The following ARFGEF2 variants were observed in gnomAD, a reference collection of about 807,000 sequenced individuals.
The protein encoded by ARFGEF2 is brefeldin A-inhibited guanine nucleotide-exchange protein 2.
In ARFGEF2, 74 loss-of-function variants were observed where a neutral mutation model predicts 219.9. The observed-to-expected ratio is 0.34, with a 90% CI of 0.28 to 0.41. The LOEUF (loss-of-function observed/expected upper bound fraction) is 0.41. Ranked by LOEUF, ARFGEF2 falls within the 10% of genes least tolerant of loss-of-function variation. The probability of loss-of-function intolerance (pLI) is 1.00; values close to 1 mark genes in which losing one functional copy is unlikely to be tolerated. For synonymous variants in ARFGEF2, 733 were observed against 799.2 expected (o/e 0.92, Z 1.40); for missense variants, 1,743 against 2,218.3 (o/e 0.79, Z 4.30).
intron 9 of ARFGEF2, among the ~76,000 whole-genome samples, 165 bp downstream of exon 9, chr20:48,969,442 G>T (rs552606211): frequency 2.0e-5 from 3 of 152,348 alleles, no homozygotes; most frequent in Admixed American, 2.0e-4. Flanking sequence ...AGTCTCTAGA[G>T]TCCTTTCATA....
intron 1 of ARFGEF2, among the ~76,000 whole-genome samples, chr20:48,931,247 A>G (rs1242099723): frequency 6.6e-6 from 1 of 152,162 alleles, no homozygotes; most frequent in Non-Finnish European, 1.5e-5. Flanking sequence ...AAGGTAGAAG[A>G]GACTTGAACT....
At chr20:48,987,257 C>G (rs888099248) in intron 16 of ARFGEF2, among the ~76,000 whole-genome samples, 1 of 152,176 alleles carries the variant, frequency 6.6e-6, no homozygotes, top group African/African-American at 2.4e-5. Context: ...ATATGTGACC[C>G]AGTTTCATCT....
At chr20:48,981,590 C>T (rs2091296119) in intron 14 of ARFGEF2, among the ~76,000 whole-genome samples, 1 of 152,182 alleles carries the variant, frequency 6.6e-6, no homozygotes, top group African/African-American at 2.4e-5. Context: ...CAACTTGGTT[C>T]CATTCTCCCT....
chr20:48,969,388 C>T, intron 9 of ARFGEF2, 111 bp downstream of exon 9: 1 of 1,594,610 alleles, frequency 6.3e-7, no homozygotes, highest in Non-Finnish European at 8.6e-7. Flanking sequence ...GTCTCTTTGT[C>T]AGTGTAAGTG....
chr20:48,938,204 C>T (rs978709989), intron 1 of ARFGEF2, among the ~76,000 whole-genome samples: 2 of 152,138 alleles, frequency 1.3e-5, no homozygotes, highest in Non-Finnish European at 2.9e-5. Context: ...CTCCTTAGTT[C>T]TTTGTTCTTT....
At chr20:48,986,640 C>G (rs2091328018) in intron 16 of ARFGEF2, among the ~76,000 whole-genome samples, 1 of 152,078 alleles carries the variant, frequency 6.6e-6, no homozygotes, top group African/African-American at 2.4e-5. Context: ...GTTCTCTCCA[C>G]TGAACATTAA....
chr20:48,974,583 C>T (rs2091248936), intron 12 of ARFGEF2, among the ~76,000 whole-genome samples, 183 bp from the exon 13 acceptor site: 1 of 151,948 alleles, frequency 6.6e-6, no homozygotes, highest in African/African-American at 2.4e-5. Flanking sequence ...TAGAGATGTC[C>T]AGGGCTTTTG....
Position 49,032,055 on chromosome 20 carries a change from C to T in ARFGEF2, c.5070C>T (p.Cys1690=). 1 of 1,612,092 alleles carries T rather than the reference C, an allele frequency of 6.2e-7. No homozygotes were observed. Residue 1690 remains cysteine, a synonymous_variant, in exon 38 of 39, where the codon TGC becomes TGT. Coordinates refer to ENST00000371917, the MANE Select transcript of ARFGEF2 (RefSeq NM_006420.3). The part of the protein sequence containing the change: ...EEIQQRLLTV[C]SEALAYFITV... ...CCCTCTCTAATTCTTCTAGTGTTTG[C>T]AGTGAAGCTCTTGCCTATTTCATCA...
At chr20:48,937,106 C>T (rs1237148624) in intron 1 of ARFGEF2, among the ~76,000 whole-genome samples, 2 of 152,164 alleles carry the variant, frequency 1.3e-5, no homozygotes, top group Non-Finnish European at 2.9e-5. Context: ...ACAAAAGGTG[C>T]TGGTGTGCTT....
chr20:49,018,945 A>G lies in ARFGEF2; in HGVS notation c.4571A>G (p.Gln1524Arg). 1.2e-6 allele frequency: 2 copies of G among 1,614,116 alleles called. No individual in the cohort carries two copies. Among genetic ancestry groups the G allele is most frequent in the Non-Finnish European group, 1.7e-6 (2 of 1,179,956 alleles). The part of the protein sequence containing the change: ...SIDKNPSERG[Q>R]SQLSNPTDDS... ...GATAAAAATCCCTCTGAGAGGGGAC[A>G]GAGCCAGCTCTCTAACCCAACAGAT... The change falls in exon 34 of 39, where the codon CAG becomes CGG. Residue 1524 changes from glutamine (Q) to arginine (R), a missense_variant. Physicochemically the swap from Gln to Arg is conservative, Grantham distance 43. Coordinates refer to ENST00000371917, the MANE Select transcript of ARFGEF2 (RefSeq NM_006420.3).
intron 1 of ARFGEF2, among the ~76,000 whole-genome samples, chr20:48,928,718 TCTC>T (rs1439428940): frequency 6.6e-6 from 1 of 151,260 alleles, no homozygotes; most frequent in African/African-American, 2.4e-5. Flanking sequence ...ATGGTTTCGA[TCTC>T]CTGACCTCGT....
rs555695156 is a variant in ARFGEF2 at position 48,937,735 on chromosome 20, G to T, written c.122-3464G>T. Among the ~76,000 whole-genome samples the T allele has an allele frequency of 6.6e-5, 10 of 152,338 alleles. No individual in the cohort carries two copies. In the South Asian group the frequency reaches 1.9e-3, roughly 28 times the overall value. On this transcript the variant is annotated intron_variant, in intron 1 of 38. Transcript: ENST00000371917. ...GCAACTCTTTCCTGGTCACAGGAGA[G>T]GGCTGCTCTCTTCGGTCCCTGTGCC...
chr20:49,028,420 GA>G (rs2091615692), intron 36 of ARFGEF2, 109 bp from the exon 37 acceptor site: 1 of 1,272,414 alleles, frequency 7.9e-7, no homozygotes, highest in Non-Finnish European at 1.1e-6. Flanking sequence ...ACTATCTCAA[GA>G]AAAAAACAGA....
At chr20:49,003,630 A>G (rs1379833617) in intron 25 of ARFGEF2, among the ~76,000 whole-genome samples, 1 of 152,074 alleles carries the variant, frequency 6.6e-6, no homozygotes, top group East Asian at 1.9e-4. Context: ...ATAAAATAAA[A>G]TAAAACATCA....
intron 25 of ARFGEF2, among the ~76,000 whole-genome samples, chr20:49,000,690 C>T (rs552177039): frequency 6.6e-5 from 10 of 152,332 alleles, no homozygotes; most frequent in Admixed American, 5.2e-4. Context: ...ACAAACGCTG[C>T]TCATTTATTC....
intron 1 of ARFGEF2, among the ~76,000 whole-genome samples, chr20:48,925,734 G>A (rs2090872842): frequency 6.6e-6 from 1 of 152,124 alleles, no homozygotes; most frequent in African/African-American, 2.4e-5. Flanking sequence ...CTACTTGGGA[G>A]GCTGAGGTGG....
intron 14 of ARFGEF2, 127 bp from the exon 15 acceptor site, chr20:48,984,602 T>C (rs528645137): frequency 8.1e-7 from 1 of 1,227,682 alleles, no homozygotes; most frequent in South Asian, 1.2e-5. Flanking sequence ...AGGACAGACA[T>C]GACCTTGCTA....
intron 2 of ARFGEF2, 39 bp downstream of exon 2, chr20:48,941,268 G>A (rs1337249995): frequency 7.5e-6 from 12 of 1,605,812 alleles, no homozygotes; most frequent in Non-Finnish European, 1.0e-5. Flanking sequence ...GATACGGCAT[G>A]AAGGGAGTAG....
At chr20:48,987,943 A>G (rs1263338074) in intron 16 of ARFGEF2, among the ~76,000 whole-genome samples, 1 of 152,092 alleles carries the variant, frequency 6.6e-6, no homozygotes, top group Non-Finnish European at 1.5e-5. Flanking sequence ...ACCCGCTGCC[A>G]CGCCCAGCTA....
Sources: gnomAD v4.1 joint callset for allele counts (sites outside exome capture counted in the v4.1 genomes callset) on GRCh38, gnomAD v4.1.1 for gene constraint, MANE v1.5 for transcripts, NCBI Gene and HGNC (gene_info 2026-07-23, HGNC 2026-07-21) for gene names.